The following ASTN1 variants were observed in gnomAD, a reference collection of about 807,000 sequenced individuals.
ASTN1 encodes the protein astrotactin-1.
Under a neutral mutation model 140.7 loss-of-function variants are expected in ASTN1, and 41 were observed. That is an observed-to-expected ratio of 0.29 (90% CI 0.23 to 0.38). ASTN1 has a LOEUF of 0.38. Among genes scored for constraint, ASTN1 ranks in the 10% least tolerant of loss-of-function variants. ASTN1 has a pLI of 1.00. For missense variants in ASTN1, 1,479 were observed against 1,678.8 expected (o/e 0.88, Z 2.08); for synonymous variants, 640 against 652.2 (o/e 0.98, Z 0.29).
At chr1:177,130,852 TTC>T (rs1223501583) in intron 1 of ASTN1, among the ~76,000 whole-genome samples, 1 of 152,222 alleles carries the variant, frequency 6.6e-6, no homozygotes, top group Non-Finnish European at 1.5e-5. Flanking sequence ...GCATGCAGCA[TTC>T]TCTCTGAGGT....
intron 19 of ASTN1, among the ~76,000 whole-genome samples, chr1:176,883,293 C>T (rs1244428301): frequency 1.4e-5 from 2 of 145,202 alleles, no homozygotes; most frequent in Non-Finnish European, 3.0e-5. Context: ...AGTGCAGTGG[C>T]GCGATCTTGT....
intron 8 of ASTN1, among the ~76,000 whole-genome samples, chr1:177,004,226 G>A (rs188389622): frequency 8.7e-5 from 13 of 150,014 alleles, no homozygotes; most frequent in Middle Eastern, 3.5e-3. Flanking sequence ...TTACAATAGC[G>A]ACAAAAAAAA....
chr1:176,965,287 T>C (rs1403674604), intron 8 of ASTN1, 50 bp from the exon 9 acceptor site: 1 of 1,584,422 alleles, frequency 6.3e-7, no homozygotes, highest in Non-Finnish European at 8.7e-7. Flanking sequence ...AAATACTCAC[T>C]GAACACCCAC....
rs781188888 is a variant in ASTN1 at position 176,957,833 on chromosome 1, G to C, written c.1737-5C>G. 41 of 1,612,940 alleles carry C rather than the reference G, an allele frequency of 2.5e-5. No homozygotes were observed. The highest frequency in any genetic ancestry group is 1.5e-4 in the Admixed American group (9 of 59,874). On this transcript the variant is annotated splice_polypyrimidine_tract_variant and splice_region_variant and intron_variant, in intron 10 of 22. Coordinates refer to ENST00000361833, the MANE Select transcript of ASTN1 (RefSeq NM_004319.3). ...GATGAAGTCATCAGCTCCTCTCTGT[G>C]GGGAGAAAGAGTGGGAAGCAGGGAG...
intron 2 of ASTN1, among the ~76,000 whole-genome samples, chr1:177,048,346 C>T (rs1677352209): frequency 1.3e-5 from 2 of 152,168 alleles, no homozygotes; most frequent in African/African-American, 4.8e-5. Flanking sequence ...CTGGGAGATG[C>T]CCTGCAGGTC....
chr1:176,879,381 G>A (rs1050596970), intron 20 of ASTN1, among the ~76,000 whole-genome samples: 2 of 152,208 alleles, frequency 1.3e-5, no homozygotes, highest in African/African-American at 4.8e-5. Context: ...TGGGCCACAT[G>A]ATGCTGCCTG....
intron 8 of ASTN1, among the ~76,000 whole-genome samples, chr1:176,978,970 GC>G (rs1435523783): frequency 1.8e-4 from 27 of 152,140 alleles, no homozygotes; most frequent in African/African-American, 6.5e-4. Flanking sequence ...AGCTGGCATG[GC>G]CAAGCTCTGT....
At chr1:176,858,442 C>G (rs1667874289), downstream of ASTN1, among the ~76,000 whole-genome samples, 1 of 152,118 alleles carries the variant, frequency 6.6e-6, no homozygotes, top group East Asian at 1.9e-4. Flanking sequence ...ATGCTGTCCT[C>G]AGGGCAGTAG....
intron 7 of ASTN1, 44 bp from the exon 8 acceptor site, chr1:177,014,919 T>C (rs1675470773): frequency 6.6e-7 from 1 of 1,515,792 alleles, no homozygotes; most frequent in African/African-American, 1.4e-5. Flanking sequence ...CATGAAGGAA[T>C]TGATTAACAT....
chr1:177,030,797 C>T lies in ASTN1; in HGVS notation c.1012+9G>A. On this transcript the variant is annotated intron_variant, in intron 4 of 22. Coordinates refer to ENST00000361833, the MANE Select transcript of ASTN1 (RefSeq NM_004319.3). The stretch of plus-strand genomic sequence containing the variant: ...TCCACCCACGAGCCCTAATGTCAGA[C>T]ATGCATACCTCTTGCTTTGTTGTTG... 6.2e-7 allele frequency: 1 copy of T among 1,614,006 alleles called. No individual in the cohort carries two copies.
intron 8 of ASTN1, among the ~76,000 whole-genome samples, chr1:177,012,423 T>G (rs745980616): frequency 3.9e-5 from 6 of 152,162 alleles, no homozygotes; most frequent in Non-Finnish European, 8.8e-5. Context: ...GGTACTCACT[T>G]TTTTCCTCCT....
intron 1 of ASTN1, among the ~76,000 whole-genome samples, chr1:177,070,134 G>A (rs1467918481): frequency 3.9e-5 from 6 of 152,098 alleles, no homozygotes; most frequent in Admixed American, 2.6e-4. Flanking sequence ...GAAGTTTCAC[G>A]ACTGGAATTC....
At chr1:176,891,753 A>T (rs1669278274) in intron 17 of ASTN1, among the ~76,000 whole-genome samples, 1 of 152,200 alleles carries the variant, frequency 6.6e-6, no homozygotes, top group African/African-American at 2.4e-5. Context: ...AGAACATGCC[A>T]TTGCACTCCA....
At position 176,894,872 on chromosome 1, in the gene ASTN1, A is replaced by C. The variant is rs1288099504; in HGVS notation, c.2672-42T>G. The C allele has an allele frequency of 2.5e-6, 4 of 1,607,634 alleles. No homozygotes were observed. In the South Asian group the frequency reaches 4.4e-5, roughly 18 times the overall value. On this transcript the variant is annotated intron_variant, in intron 16 of 22. Coordinates refer to ENST00000361833, the MANE Select transcript of ASTN1 (RefSeq NM_004319.3). ...GAAAGAAACAGTGAAGGAGTCAAAA[A>C]AGTAAGGACTATCATGACCTCGTGG...
intron 1 of ASTN1, among the ~76,000 whole-genome samples, chr1:177,152,267 T>G (rs1571857967): frequency 6.6e-6 from 1 of 152,138 alleles, no homozygotes; most frequent in East Asian, 1.9e-4. Context: ...CAGAATTTTC[T>G]TGTATTTAGA....
At chr1:176,990,981 G>T (rs1428092487) in intron 8 of ASTN1, among the ~76,000 whole-genome samples, 1 of 152,138 alleles carries the variant, frequency 6.6e-6, no homozygotes, top group African/African-American at 2.4e-5. Flanking sequence ...ATTATACATT[G>T]CATGTTTGTT....
intron 1 of ASTN1, among the ~76,000 whole-genome samples, chr1:177,127,139 A>AT (rs542562547): frequency 2.8e-5 from 4 of 143,040 alleles, no homozygotes; most frequent in East Asian, 2.1e-4. Context: ...ATGAAGTTTT[A>AT]TTTTTTTTTA....
At position 176,920,582 on chromosome 1, in the gene ASTN1, C is replaced by T. The variant is rs138758868; in HGVS notation, c.2671+13570G>A. Among the ~76,000 whole-genome samples the T allele has an allele frequency of 1.1e-3, 168 of 152,262 alleles. No individual in the cohort carries two copies. In the Middle Eastern group the frequency reaches 0.014, roughly 12 times the overall value. Reference sequence around the variant, plus strand: ...GGTACTTGAAAACCAAATCTTGCCCCGGAAAAACTTCCCAAGAAATGGGAT... The same window carrying T: ...GGTACTTGAAAACCAAATCTTGCCCTGGAAAAACTTCCCAAGAAATGGGAT... On this transcript the variant is annotated intron_variant, in intron 16 of 22. Coordinates refer to ENST00000361833, the MANE Select transcript of ASTN1 (RefSeq NM_004319.3).
intron 1 of ASTN1, among the ~76,000 whole-genome samples, chr1:177,091,266 C>T (rs550611884): frequency 6.6e-6 from 1 of 152,272 alleles, no homozygotes; most frequent in Admixed American, 6.5e-5. Context: ...GCAAACATTA[C>T]ATTAACCTTT....
Sources: gnomAD v4.1 joint callset for allele counts (sites outside exome capture counted in the v4.1 genomes callset) on GRCh38, gnomAD v4.1.1 for gene constraint, MANE v1.5 for transcripts, NCBI Gene and HGNC (gene_info 2026-07-23, HGNC 2026-07-21) for gene names.